Variants in CCDC126 observed in about 807,000 individuals in gnomAD.
The protein encoded by CCDC126 is coiled-coil domain-containing protein 126.
Under a neutral mutation model 11.7 loss-of-function variants are expected in CCDC126, and 5 were observed. The observed-to-expected ratio is 0.43, with a 90% confidence interval of 0.22 to 0.90. The LOEUF (loss-of-function observed/expected upper bound fraction) is 0.90, where lower values mean the gene tolerates loss of function less well. Among genes scored for constraint, CCDC126 ranks in the 40% least tolerant of loss-of-function variants. CCDC126 has a pLI of 0.27. For missense variants in CCDC126, 150 were observed against 163.1 expected (o/e 0.92, Z 0.44); for synonymous variants, 60 against 61.9 (o/e 0.97, Z 0.14).
chr7:23,599,198 A>T lies in CCDC126; in HGVS notation c.-146+1147A>T, dbSNP rs56070762. 3.4e-3 allele frequency among the ~76,000 whole-genome samples: 513 copies of T among 152,248 alleles called. 3 individuals carry two copies. The highest frequency in any genetic ancestry group is 0.012 in the African/African-American group (493 of 41,544). On this transcript the variant is annotated intron_variant, in intron 2 of 3. Transcript: ENST00000307471. ...TTTGTTCTCTTTCTCCCTACTCTGT[A>T]TCTTTTGCTCATAGCCCCTATACCT...
intron 2 of CCDC126, among the ~76,000 whole-genome samples, chr7:23,603,342 A>G (rs1298710158): frequency 3.9e-5 from 6 of 152,258 alleles, no homozygotes; most frequent in Non-Finnish European, 8.8e-5. Flanking sequence ...GAATAGTTCA[A>G]ATTAGGCATC....
intron 2 of CCDC126, among the ~76,000 whole-genome samples, chr7:23,600,383 C>CT (rs1383814805): frequency 6.9e-6 from 1 of 144,646 alleles, no homozygotes; most frequent in Non-Finnish European, 1.5e-5. Context: ...AACCCCCCCC[C>CT]CCCCACCACC....
intron 3 of CCDC126, among the ~76,000 whole-genome samples, chr7:23,632,241 C>A (rs1783128769): frequency 6.6e-6 from 1 of 152,074 alleles, no homozygotes; most frequent in South Asian, 2.1e-4. Flanking sequence ...TTACAAGGTG[C>A]CTGCCACCAT....
At chr7:23,609,287 G>A (rs765716969) in intron 2 of CCDC126, among the ~76,000 whole-genome samples, 6 of 151,872 alleles carry the variant, frequency 4.0e-5, no homozygotes, top group Non-Finnish European at 7.4e-5. Flanking sequence ...GGGTTCAAGT[G>A]ATTCTCCTGC....
intron 3 of CCDC126, among the ~76,000 whole-genome samples, chr7:23,641,580 A>G (rs1027821130): frequency 1.3e-5 from 2 of 152,206 alleles, no homozygotes; most frequent in Non-Finnish European, 2.9e-5. Context: ...CACATTTATC[A>G]GTTGTTAGAT....
intron 3 of CCDC126, among the ~76,000 whole-genome samples, chr7:23,638,181 C>T (rs1321519179): frequency 4.6e-5 from 7 of 150,782 alleles, no homozygotes; most frequent in East Asian, 2.0e-4. Flanking sequence ...AGTGAGGAGC[C>T]CCTCTGCCCG....
intron 3 of CCDC126, among the ~76,000 whole-genome samples, chr7:23,633,965 A>G (rs1168904715): frequency 6.6e-6 from 1 of 152,244 alleles, no homozygotes; most frequent in Non-Finnish European, 1.5e-5. Context: ...GAAAAATATT[A>G]ATAAGGAAAA....
At chr7:23,635,604 ATC>A (rs923998761) in intron 3 of CCDC126, among the ~76,000 whole-genome samples, 2 of 152,184 alleles carry the variant, frequency 1.3e-5, no homozygotes, top group Non-Finnish European at 2.9e-5. Flanking sequence ...GATAGATATA[ATC>A]TCTTAGTCTC....
intron 3 of CCDC126, among the ~76,000 whole-genome samples, chr7:23,623,213 C>T (rs544851246): frequency 1.5e-4 from 22 of 150,934 alleles, no homozygotes; most frequent in Middle Eastern, 3.4e-3. Context: ...AAATATGCCT[C>T]AGCCTCCCAA....
intron 3 of CCDC126, among the ~76,000 whole-genome samples, chr7:23,617,846 A>G (rs969218979): frequency 4.6e-5 from 7 of 152,216 alleles, no homozygotes; most frequent in Non-Finnish European, 8.8e-5. Flanking sequence ...TTTATTTTCA[A>G]TCTGTAATTG....
At chr7:23,638,744 A>C (rs1437014029) in intron 3 of CCDC126, among the ~76,000 whole-genome samples, 2 of 140,070 alleles carry the variant, frequency 1.4e-5, no homozygotes, top group Non-Finnish European at 3.3e-5. Flanking sequence ...AAAAAAAAAA[A>C]AACCAAAAAG....
chr7:23,620,916 C>G (rs1214377618), intron 3 of CCDC126, among the ~76,000 whole-genome samples: 1 of 152,168 alleles, frequency 6.6e-6, no homozygotes, highest in African/African-American at 2.4e-5. Context: ...TCTGAGGGCT[C>G]TGTTCTGTTC....
intron 3 of CCDC126, among the ~76,000 whole-genome samples, chr7:23,618,934 G>GCTCA (rs1169588768): frequency 6.6e-6 from 1 of 152,110 alleles, no homozygotes; most frequent in Admixed American, 6.6e-5. Flanking sequence ...GGTCTCTCCT[G>GCTCA]TTGAGCTGGT....
chr7:23,644,679 G>C lies in CCDC126; in HGVS notation c.*1564G>C, dbSNP rs1390714845. The C allele has an allele frequency of 6.6e-6, 1 of 152,270 alleles. No homozygotes were observed. Among genetic ancestry groups the C allele is most frequent in the Non-Finnish European group, 1.5e-5 (1 of 67,936 alleles). The allele number at this position is 152,270 out of a possible 1,614,324, so 9.4% of individuals were successfully genotyped here. ...TTTTTGTTTTTGTTTTTGTTTTCAG[G>C]GATGAAATAAAATATATTATTTCTA... is the stretch of plus-strand genomic sequence containing the variant. On this transcript the variant is annotated 3_prime_UTR_variant, in exon 4 of 4. Coordinates refer to ENST00000307471, the MANE Select transcript of CCDC126 (RefSeq NM_138771.4).
intron 3 of CCDC126, among the ~76,000 whole-genome samples, chr7:23,627,651 T>G: frequency 6.6e-6 from 1 of 151,586 alleles, no homozygotes; most frequent in Non-Finnish European, 1.5e-5. Context: ...CAGGCTGGAG[T>G]ACAGTGGCAC....
At chr7:23,606,211 A>C (rs901959657) in intron 2 of CCDC126, among the ~76,000 whole-genome samples, 1 of 152,034 alleles carries the variant, frequency 6.6e-6, no homozygotes, top group African/African-American at 2.4e-5. Context: ...GGTGCCCGCC[A>C]CCACACCCAG....
intron 2 of CCDC126, 128 bp from the exon 3 acceptor site, chr7:23,611,043 T>A (rs896126006): frequency 2.2e-5 from 5 of 222,908 alleles, no homozygotes; most frequent in Non-Finnish European, 3.5e-5. Flanking sequence ...GCTTACTTAG[T>A]GGTGGAGAAA....
intron 2 of CCDC126, among the ~76,000 whole-genome samples, chr7:23,610,405 G>A (rs1028399049): frequency 1.3e-5 from 2 of 152,016 alleles, no homozygotes; most frequent in Non-Finnish European, 2.9e-5. Flanking sequence ...ATAGAGATGA[G>A]GTCTTCCTAT....
intron 3 of CCDC126, among the ~76,000 whole-genome samples, chr7:23,641,406 T>G (rs1420970555): frequency 6.6e-6 from 1 of 152,228 alleles, no homozygotes; most frequent in Non-Finnish European, 1.5e-5. Flanking sequence ...AGGTAGTAGA[T>G]CTTTATCAAA....
Sources: allele counts gnomAD v4.1 joint callset (sites outside exome capture counted in the v4.1 genomes callset), GRCh38; gene constraint gnomAD v4.1.1; transcripts MANE v1.5; gene names NCBI Gene and HGNC (gene_info 2026-07-23, HGNC 2026-07-21).